Variants in SETD1A observed in about 807,000 individuals in gnomAD.
SETD1A encodes histone-lysine N-methyltransferase SETD1A.
In SETD1A, 29 loss-of-function variants were observed where a neutral mutation model predicts 149.9. The observed-to-expected ratio is 0.19, with a 90% CI of 0.14 to 0.26. SETD1A has a LOEUF of 0.26. Among genes scored for constraint, SETD1A ranks in the 10% least tolerant of loss-of-function variants. The pLI is 1.00. For missense variants in SETD1A, 2,109 were observed against 2,353.1 expected, an observed-to-expected ratio of 0.90 and a Z score of 2.15; for synonymous variants, 1,141 against 968.5, an observed-to-expected ratio of 1.18 and a Z score of -3.31.
intron 4 of SETD1A, among the ~76,000 whole-genome samples, chr16:30,962,886 A>G (rs977550885): frequency 6.6e-6 from 1 of 152,262 alleles, no homozygotes; most frequent in African/African-American, 2.4e-5. Flanking sequence ...TGGAGATTAC[A>G]TCGTGCCACT....
chr16:30,968,450 GTATATACACACAAA>G (rs1216309807), intron 10 of SETD1A, among the ~76,000 whole-genome samples: 36 of 148,048 alleles, frequency 2.4e-4, no homozygotes, highest in Admixed American at 2.2e-3. Context: ...ACACACATAT[GTATATACACACAAA>G]TATATACACA....
chr16:30,979,371 C>A lies in SETD1A; in HGVS notation c.3585C>A (p.Ala1195=). 16 of 1,612,812 alleles carry A rather than the reference C, an allele frequency of 9.9e-6. No homozygotes were observed. The highest frequency in any genetic ancestry group is 1.7e-5 in the Admixed American group (1 of 59,956). The change falls in exon 14 of 19, where the codon GCC becomes GCA. Residue 1195 remains alanine, a synonymous_variant. Transcript: ENST00000262519. ...TPPQAKFPGP[A]SRKAPRGVER... ...CGCAGGCCAAGTTTCCCGGCCCAGC[C>A]TCCCGCAAGGCTCCCCGGGGCGTGG...
chr16:30,973,579 C>G (rs144434756), intron 13 of SETD1A, among the ~76,000 whole-genome samples: 1 of 152,062 alleles, frequency 6.6e-6, no homozygotes, highest in African/African-American at 2.4e-5. Flanking sequence ...CGCTTGAACC[C>G]GGGAGGTGGA....
rs767067958 is a variant in SETD1A at position 30,964,842 on chromosome 16, C to T, written c.1100C>T (p.Pro367Leu). 17 of 1,614,076 alleles carry T rather than the reference C, an allele frequency of 1.1e-5. No individual in the cohort carries two copies. Among genetic ancestry groups the T allele is most frequent in the Admixed American group, 1.7e-5 (1 of 60,010 alleles). Reference protein sequence around the residue: ...SQFRSSDANYPAYYESWNRYQ... With the variant: ...SQFRSSDANYLAYYESWNRYQ... ...TTTCGTAGTTCTGATGCAAACTACC[C>T]AGCGTATTATGAAAGCTGGAATCGC... is the stretch of plus-strand genomic sequence containing the variant. Residue 367 changes from proline (P) to leucine (L), a missense_variant, in exon 7 of 19, where the codon CCA becomes CTA. Coordinates refer to ENST00000262519, the MANE Select transcript of SETD1A (RefSeq NM_014712.3).
intron 8 of SETD1A, 106 bp from the exon 9 acceptor site, chr16:30,966,778 C>T: frequency 2.4e-6 from 3 of 1,274,530 alleles, no homozygotes; most frequent in Non-Finnish European, 3.2e-6. Context: ...AGATATGGAG[C>T]AGCAAGTAGA....
rs772179483 is a variant in SETD1A, at chr16:30,983,987, G to T, written c.5088G>T (p.Leu1696=). 1 of 1,614,004 alleles carries T rather than the reference G, an allele frequency of 6.2e-7. No homozygotes were observed. The highest frequency in any genetic ancestry group is 8.5e-7 in the Non-Finnish European group (1 of 1,179,936). The change falls in exon 19 of 19, where the codon CTG becomes CTT. Residue 1696 remains leucine (L), a synonymous_variant. Transcript: ENST00000262519. The surrounding 1 kb of genome is among the most constrained non-coding windows in gnomAD (Gnocchi z 6.8). The part of the protein sequence containing the change: ...FPLEDNKIPC[L]CGTESCRGSL... ...TGGAAGACAACAAGATCCCGTGTCT[G>T]TGTGGCACAGAGAGCTGCCGGGGCT...
chr16:30,964,925 G>GCCC lies in SETD1A; in HGVS notation c.1185_1187dup (p.Pro396dup), dbSNP rs1567352254. The GCCC allele has an allele frequency of 1.1e-5, 17 of 1,614,048 alleles. No homozygotes were observed. Among genetic ancestry groups the GCCC allele is most frequent in the Non-Finnish European group, 1.4e-5 (17 of 1,179,898 alleles). Reference sequence around the variant, plus strand: ...GGCCACACGGGAGGAACCCCCTGGAGCCCCTTTTGCTGAAAATACAGCTGA... The same window carrying GCCC: ...GGCCACACGGGAGGAACCCCCTGGAGCCCCCCCTTTTGCTGAAAATACAGCTGA... On this transcript the variant is annotated inframe_insertion, in exon 7 of 19. Transcript: ENST00000262519.
chr16:30,980,522 C>T lies in SETD1A; in HGVS notation c.4446C>T (p.Pro1482=), dbSNP rs2056359866. 6.2e-7 allele frequency: 1 copy of T among 1,614,016 alleles called. No homozygotes were observed. The change falls in exon 15 of 19, where the codon CCC becomes CCT. Residue 1482 remains proline (P), a synonymous_variant. Transcript: ENST00000262519. The surrounding 1 kb of genome is among the most constrained non-coding windows in gnomAD (Gnocchi z 7.7). ...NLTTPKRKRR[P]QDGPREHQTG... is the part of the protein sequence containing the mutation. ...CCACCCCAAAACGCAAGCGGCGGCC[C>T]CAGGATGGGCCCCGGGAGCACCAGA...
Position 30,971,658 on chromosome 16 carries a change from G to A in SETD1A, c.3297G>A (p.Arg1099=). ...PAPVEVPVPE[R]VAGSPVTPLP... is the part of the protein sequence containing the mutation. ...CTGTGGAGGTGCCAGTGCCGGAAAG[G>A]GTTGCAGGCTCCCCAGTCACACCCC... Residue 1099 remains arginine (R), a synonymous_variant, in exon 13 of 19, where the codon AGG becomes AGA. Coordinates refer to ENST00000262519, the MANE Select transcript of SETD1A (RefSeq NM_014712.3). 6.2e-7 allele frequency: 1 copy of A among 1,608,354 alleles called. No individual in the cohort carries two copies. The highest frequency in any genetic ancestry group is 8.5e-7 in the Non-Finnish European group (1 of 1,175,838).
Position 30,979,228 on chromosome 16 carries a change from G to A in SETD1A, c.3442G>A (p.Asp1148Asn), listed in dbSNP as rs779454410. 40 of 602,776 alleles carry A rather than the reference G, an allele frequency of 6.6e-5. No individual in the cohort carries two copies. The highest frequency in any genetic ancestry group is 4.8e-4 in the East Asian group (7 of 14,442). The allele number at this position is 602,776 out of a possible 1,614,324, so 37.3% of individuals were successfully genotyped here. ...GCCCCCGGCCCCTGCCCCACGCCCC[G>A]ATGAGCGTCCCTCTTCTCCCATCCC... ...AGPPAPAPRPDERPSSPIPLL... is the reference protein window; with the variant it reads ...AGPPAPAPRPNERPSSPIPLL... The change falls in exon 14 of 19, where the codon GAT (aspartate) becomes AAT (asparagine). Residue 1148 changes from aspartate to asparagine, a missense_variant. Physicochemically the swap from Asp to Asn is conservative, Grantham distance 23. Transcript: ENST00000262519.
chr16:30,971,777 CAGT>C (rs1346789837), intron 13 of SETD1A, 58 bp downstream of exon 13: 38 of 1,498,138 alleles, frequency 2.5e-5, no homozygotes, highest in Admixed American at 2.1e-4. Context: ...AGAGAGAAAA[CAGT>C]GGTGCTTGCA....
chr16:30,977,190 C>T (rs557824721), intron 13 of SETD1A, among the ~76,000 whole-genome samples: 79 of 152,338 alleles, frequency 5.2e-4, no homozygotes, highest in Non-Finnish European at 9.8e-4. Context: ...ATGGTCCACC[C>T]GCCTCGGCCT....
intron 3 of SETD1A, among the ~76,000 whole-genome samples, chr16:30,960,592 C>T (rs1433971670): frequency 6.6e-6 from 1 of 152,188 alleles, no homozygotes; most frequent in Non-Finnish European, 1.5e-5. Context: ...ATGGGAATCT[C>T]TTCCTTTCTA....
chr16:30,965,523 G>T, intron 7 of SETD1A, 62 bp downstream of exon 7: 1 of 1,589,630 alleles, frequency 6.3e-7, no homozygotes, highest in East Asian at 2.2e-5. Flanking sequence ...GGGCCTAGGG[G>T]AGAGGGAAGG....
At chr16:30,971,028 A>G (rs1279912417) in intron 12 of SETD1A, among the ~76,000 whole-genome samples, 1 of 152,142 alleles carries the variant, frequency 6.6e-6, no homozygotes, top group Non-Finnish European at 1.5e-5. Flanking sequence ...TGAGTGCCAG[A>G]GCAGCCTGCT....
chr16:30,959,749 CTTCTT>C (rs869160462), intron 3 of SETD1A, among the ~76,000 whole-genome samples: 13 of 136,880 alleles, frequency 9.5e-5, no homozygotes, highest in Non-Finnish European at 9.5e-5. Flanking sequence ...CATTCTTCTT[CTTCTT>C]TTTTTTTTTT....
At chr16:30,959,426 G>A (rs908269369) in intron 3 of SETD1A, among the ~76,000 whole-genome samples, 1 of 152,218 alleles carries the variant, frequency 6.6e-6, no homozygotes, top group East Asian at 1.9e-4. Flanking sequence ...GAAGGGTGAG[G>A]TAAAGACTCT....
Position 30,979,803 on chromosome 16 carries a change from C to G in SETD1A, c.4017C>G (p.Pro1339=). 3 of 1,573,408 alleles carry G rather than the reference C, an allele frequency of 1.9e-6. No homozygotes were observed. Among genetic ancestry groups the G allele is most frequent in the Non-Finnish European group, 2.6e-6 (3 of 1,167,028 alleles). Residue 1339 remains proline, a synonymous_variant, in exon 14 of 19, where the codon CCC becomes CCG. Transcript: ENST00000262519. ...CAGCTGATGAGGTCCTGGAGGCCCC[C>G]GAGGTGGTGGTGGCTGAGGCGGAGG... The part of the protein sequence containing the change: ...SSPADEVLEA[P]EVVVAEAEEP...
In SETD1A at chr16:30,965,806, C is replaced by G; in HGVS notation, c.1925C>G (p.Pro642Arg). ...YLLPPRPDGP[P>R]PPEYPPPPPP... ...CTCCCACCCAGACCTGATGGGCCGC[C>G]GCCCCCTGAGTACCCCCCACCTCCT... Residue 642 changes from proline to arginine, a missense_variant, in exon 8 of 19, where the codon CCG (proline) becomes CGG (arginine). This residue lies in a region of SETD1A where 431 missense variants were observed against 388.6 expected (regional missense o/e 1.11). Coordinates refer to ENST00000262519, the MANE Select transcript of SETD1A (RefSeq NM_014712.3). The G allele has an allele frequency of 1.3e-6, 2 of 1,593,704 alleles. No individual in the cohort carries two copies. Among genetic ancestry groups the G allele is most frequent in the Non-Finnish European group, 1.7e-6 (2 of 1,168,754 alleles).
Sources: allele counts gnomAD v4.1 joint callset (sites outside exome capture counted in the v4.1 genomes callset), GRCh38; gene constraint gnomAD v4.1.1; regional missense constraint gnomAD v4.1.1; non-coding constraint Gnocchi (gnomAD v3.1); transcripts MANE v1.5; gene names NCBI Gene and HGNC (gene_info 2026-07-23, HGNC 2026-07-21).